NIPBL: variants seen among roughly 807,000 people sequenced by gnomAD.
NIPBL encodes the protein NIPBL cohesin loading factor.
In NIPBL, 19 loss-of-function variants were observed where a neutral mutation model predicts 321.8. That is an observed-to-expected ratio of 0.06 (90% confidence interval 0.04 to 0.09). The LOEUF (loss-of-function observed/expected upper bound fraction) is 0.09, where lower values mean the gene tolerates loss of function less well. NIPBL is among the 10% of genes least tolerant of loss of function. The probability of loss-of-function intolerance (pLI) is 1.00; values close to 1 mark genes in which losing one functional copy is unlikely to be tolerated. For missense variants in NIPBL, 2,210 were observed against 3,327.0 expected, an observed-to-expected ratio of 0.66 and a Z score of 8.26; for synonymous variants, 1,106 against 1,114.1, an observed-to-expected ratio of 0.99 and a Z score of 0.14.
intron 10 of NIPBL, among the ~76,000 whole-genome samples, chr5:36,987,213 A>T (rs1326668006): frequency 6.6e-6 from 1 of 152,166 alleles, no homozygotes; most frequent in African/African-American, 2.4e-5. Context: ...TGAAGGCAAT[A>T]GAACTGAGAG....
chr5:37,061,175 T>G (rs1026046481), intron 45 of NIPBL, among the ~76,000 whole-genome samples, 157 bp downstream of exon 45: 2 of 152,198 alleles, frequency 1.3e-5, no homozygotes, highest in African/African-American at 4.8e-5. Flanking sequence ...ATGAGTTACT[T>G]TAAGCTTGTC....
intron 1 of NIPBL, among the ~76,000 whole-genome samples, chr5:36,900,555 G>T (rs1160616639): frequency 6.6e-6 from 1 of 152,256 alleles, no homozygotes; most frequent in Non-Finnish European, 1.5e-5. Context: ...ATGAATGTAT[G>T]CTCTCCTTAA....
In NIPBL at chr5:36,911,823, A is replaced by G. The variant is rs188358359; in HGVS notation, c.-80+34645A>G. Among the ~76,000 whole-genome samples, 12 of 152,338 alleles carry G rather than the reference A, an allele frequency of 7.9e-5. 1 individual carries two copies. Among genetic ancestry groups the G allele is most frequent in the East Asian group, 5.8e-4 (3 of 5,190 alleles). ...GCAAAAATTATAAAGCTGATATCCA[A>G]TAACTGAAATTAGGAAAGCAATGTA... On this transcript the variant is annotated intron_variant, in intron 1 of 46. Transcript: ENST00000282516.
Position 37,063,914 on chromosome 5 carries a change from A to G in NIPBL, c.7985A>G (p.Asn2662Ser). Residue 2662 changes from asparagine (N) to serine (S), a missense_variant, in exon 46 of 47, where the codon AAT becomes AGT. Physicochemically the swap from Asn to Ser is conservative, Grantham distance 46 (BLOSUM62 1). Around this residue, in one of 14 missense-constraint regions of NIPBL, gnomAD observed 159 missense variants for 319.2 expected, o/e 0.50. Transcript: ENST00000282516. ...SLLGGGSPKN[N>S]TAAETEDDES... The stretch of plus-strand genomic sequence containing the variant: ...CTTGGAGGAGGCAGCCCTAAAAATA[A>G]TACAGCAGCAGAGACAGAAGATGAT... 6.2e-7 allele frequency: 1 copy of G among 1,614,092 alleles called. No homozygotes were observed. The highest frequency in any genetic ancestry group is 8.5e-7 in the Non-Finnish European group (1 of 1,180,016).
chr5:36,928,036 T>C (rs1236994590), intron 1 of NIPBL, among the ~76,000 whole-genome samples: 1 of 151,932 alleles, frequency 6.6e-6, no homozygotes, highest in Non-Finnish European at 1.5e-5. Flanking sequence ...AAAACCATAC[T>C]CGATGCACAA....
chr5:37,013,273 T>C (rs1258501167), intron 21 of NIPBL, among the ~76,000 whole-genome samples: 1 of 135,390 alleles, frequency 7.4e-6, no homozygotes, highest in African/African-American at 2.8e-5. Flanking sequence ...ACCTCGCGGA[T>C]GGGGCGGCTG....
rs1334241239 is a variant in NIPBL at position 36,985,625 on chromosome 5, A to T, written c.2445A>T (p.Arg815Ser). The T allele has an allele frequency of 6.2e-7, 1 of 1,613,806 alleles. No homozygotes were observed. Among genetic ancestry groups the T allele is most frequent in the Non-Finnish European group, 8.5e-7 (1 of 1,179,954 alleles). The change falls in exon 10 of 47, where the codon AGA becomes AGT. Residue 815 changes from arginine to serine, a missense_variant. By Grantham distance (110) the Arg-to-Ser change is moderately radical. Around this residue, in one of 14 missense-constraint regions of NIPBL, gnomAD observed 588 missense variants for 564.1 expected, o/e 1.04. Coordinates refer to ENST00000282516, the MANE Select transcript of NIPBL (RefSeq NM_133433.4). ...PDGRSVSESL[R>S]RDHDNKQKSD... ...GGCGATCTGTTTCTGAGTCACTAAG[A>T]CGTGACCATGATAATAAACAAAAAT...
At position 37,057,321 on chromosome 5, in the gene NIPBL, T is replaced by A; in HGVS notation, c.7399T>A (p.Ser2467Thr). The change falls in exon 43 of 47, where the codon TCA becomes ACA. Residue 2467 changes from serine (S) to threonine (T), a missense_variant. Ser to Thr is a moderately conservative substitution (Grantham distance 58). Around this residue, in one of 14 missense-constraint regions of NIPBL, gnomAD observed 79 missense variants for 90.8 expected, o/e 0.87. Coordinates refer to ENST00000282516, the MANE Select transcript of NIPBL (RefSeq NM_133433.4). Reference protein sequence around the residue: ...LSVSGSNLLQSFKESMVKDKR... With the variant: ...LSVSGSNLLQTFKESMVKDKR... Reference sequence around the variant, plus strand: ...AGTTTCTGGTAGTAACCTACTGCAGTCATTCAAGGAGGTAAGTTACACACA... The same window carrying A: ...AGTTTCTGGTAGTAACCTACTGCAGACATTCAAGGAGGTAAGTTACACACA... 6.2e-7 allele frequency: 1 copy of A among 1,613,692 alleles called. No homozygotes were observed. The highest frequency in any genetic ancestry group is 8.5e-7 in the Non-Finnish European group (1 of 1,179,700).
At chr5:37,007,130 A>G (rs901900656) in intron 17 of NIPBL, among the ~76,000 whole-genome samples, 193 bp from the exon 18 acceptor site, 1 of 152,116 alleles carries the variant, frequency 6.6e-6, no homozygotes, top group Non-Finnish European at 1.5e-5. Context: ...GCTGAAGATT[A>G]TCTGATGCAA....
At position 36,985,335 on chromosome 5, in the gene NIPBL, G is replaced by C. The variant is rs1245728129; in HGVS notation, c.2155G>C (p.Asp719His). 2 of 1,613,692 alleles carry C rather than the reference G, an allele frequency of 1.2e-6. No homozygotes were observed. The highest frequency in any genetic ancestry group is 1.7e-6 in the Non-Finnish European group (2 of 1,179,932). The change falls in exon 10 of 47, where the codon GAT (aspartate) becomes CAT (histidine). Residue 719 changes from aspartate (D) to histidine (H), a missense_variant. This residue lies in a region of NIPBL where 588 missense variants were observed against 564.1 expected (regional missense o/e 1.04). Coordinates refer to ENST00000282516, the MANE Select transcript of NIPBL (RefSeq NM_133433.4). ...GCCTGAGACTCCAAAACAAAAGAGT[G>C]ATGGGCATCCTGAAACCCCAAAACA... ...SRPETPKQKS[D>H]GHPETPKQKG...
At position 37,063,752 on chromosome 5, in the gene NIPBL, T is replaced by C. The variant is rs1292068105; in HGVS notation, c.7861-38T>C. ...GAATTTGACAATCTTGCTTGAAATA[T>C]TTACTTAAAATTCTGAAATAATATC... On this transcript the variant is annotated intron_variant, in intron 45 of 46. Coordinates refer to ENST00000282516, the MANE Select transcript of NIPBL (RefSeq NM_133433.4). 5 of 1,569,320 alleles carry C rather than the reference T, an allele frequency of 3.2e-6. No homozygotes were observed. In the East Asian group the frequency reaches 9.2e-5, roughly 29 times the overall value.
At chr5:36,970,516 C>A (rs1742738638) in intron 6 of NIPBL, among the ~76,000 whole-genome samples, 1 of 149,898 alleles carries the variant, frequency 6.7e-6, no homozygotes, top group Admixed American at 6.6e-5. Flanking sequence ...AATGTAAAAA[C>A]AACACAATGA....
chr5:36,983,077 A>C (rs1459022352), intron 9 of NIPBL, among the ~76,000 whole-genome samples: 1 of 151,996 alleles, frequency 6.6e-6, no homozygotes, highest in African/African-American at 2.4e-5. Context: ...ATGGCAGAAC[A>C]TTCTAAAAGA....
At chr5:36,915,349 A>T (rs2149550658) in intron 1 of NIPBL, among the ~76,000 whole-genome samples, 1 of 152,292 alleles carries the variant, frequency 6.6e-6, no homozygotes, top group African/African-American at 2.4e-5. Context: ...TAGGATGTTT[A>T]TTTTAAATCT....
intron 21 of NIPBL, 29 bp downstream of exon 21, chr5:37,010,254 T>C: frequency 6.6e-7 from 1 of 1,505,012 alleles, no homozygotes; most frequent in Non-Finnish European, 9.2e-7. Flanking sequence ...GTTTTACAAC[T>C]GTACTTTTAT....
chr5:37,062,473 AG>A (rs1754832781), intron 45 of NIPBL, among the ~76,000 whole-genome samples: 1 of 151,956 alleles, frequency 6.6e-6, no homozygotes, highest in Non-Finnish European at 1.5e-5. Context: ...AATAGACTAG[AG>A]GTTACCAAGG....
intron 44 of NIPBL, among the ~76,000 whole-genome samples, chr5:37,060,505 A>G (rs1579610936): frequency 6.6e-6 from 1 of 152,176 alleles, no homozygotes; most frequent in African/African-American, 2.4e-5. Flanking sequence ...CAAGATGCAA[A>G]ATAATTTAAA....
chr5:36,952,617 A>G (rs1740519556), intron 1 of NIPBL, among the ~76,000 whole-genome samples: 1 of 152,236 alleles, frequency 6.6e-6, no homozygotes, highest in Non-Finnish European at 1.5e-5. Flanking sequence ...GTTCAGTTTT[A>G]CAGAATGTCT....
In NIPBL at chr5:37,038,603, C is replaced by G; in HGVS notation, c.5973C>G (p.Asp1991Glu). 1 of 1,613,362 alleles carries G rather than the reference C, an allele frequency of 6.2e-7. No individual in the cohort carries two copies. Among genetic ancestry groups the G allele is most frequent in the Non-Finnish European group, 8.5e-7 (1 of 1,179,636 alleles). The change falls in exon 34 of 47, where the codon GAC becomes GAG. Residue 1991 changes from aspartate (D) to glutamate (E), a missense_variant and splice_region_variant. Transcript: ENST00000282516. Reference sequence around the variant, plus strand: ...TTATTTCTCTGTTTGTTTTTCCAGACTCTGACAATAAAGGTGTGAATTCTG... The same window carrying G: ...TTATTTCTCTGTTTGTTTTTCCAGAGTCTGACAATAAAGGTGTGAATTCTG... The part of the protein sequence containing the change: ...HILKYEESLA[D>E]SDNKGVNSGR...
Sources: allele counts gnomAD v4.1 joint callset (sites outside exome capture counted in the v4.1 genomes callset), GRCh38; gene constraint gnomAD v4.1.1; regional missense constraint gnomAD v4.1.1; transcripts MANE v1.5; gene names NCBI Gene and HGNC (gene_info 2026-07-23, HGNC 2026-07-21).